MIS18BP1: variants seen among roughly 807,000 people sequenced by gnomAD.
MIS18BP1 encodes MIS18 binding protein 1, also known as mis18-binding protein 1.
Under a neutral mutation model 116.1 loss-of-function variants are expected in MIS18BP1, and 72 were observed. The observed-to-expected ratio is 0.62, with a 90% CI of 0.51 to 0.75. MIS18BP1 has a LOEUF of 0.75. Among genes scored for constraint, MIS18BP1 ranks in the 30% least tolerant of loss-of-function variants. The pLI is 0.00. For missense variants in MIS18BP1, 1,363 were observed against 1,303.2 expected (o/e 1.05, Z -0.71); for synonymous variants, 386 against 427.0 (o/e 0.90, Z 1.18).
chr14:45,227,070 C>CAAGTG (rs1891141965), intron 9 of MIS18BP1, among the ~76,000 whole-genome samples: 1 of 152,144 alleles, frequency 6.6e-6, no homozygotes, highest in Non-Finnish European at 1.5e-5. Context: ...TGTGGTTTTT[C>CAAGTG]AAGTGCTTTT....
chr14:45,209,340 T>C (rs1300262705), intron 14 of MIS18BP1, among the ~76,000 whole-genome samples: 3 of 152,184 alleles, frequency 2.0e-5, no homozygotes, highest in Non-Finnish European at 4.4e-5. Flanking sequence ...ATTTCTTTTT[T>C]TTTTGAGACA....
At chr14:45,233,817 A>G (rs538421439) in intron 6 of MIS18BP1, among the ~76,000 whole-genome samples, 3 of 152,318 alleles carry the variant, frequency 2.0e-5, no homozygotes, top group African/African-American at 7.2e-5. Flanking sequence ...TAAGTTTGAA[A>G]TGCCTACAGA....
At position 45,237,674 on chromosome 14, in the gene MIS18BP1, A is replaced by T. The variant is rs1297738409; in HGVS notation, c.1191T>A (p.Thr397=). 1 of 1,601,374 alleles carries T rather than the reference A, an allele frequency of 6.2e-7. No homozygotes were observed. Among genetic ancestry groups the T allele is most frequent in the Admixed American group, 1.8e-5 (1 of 56,886 alleles). The part of the protein sequence containing the change: ...EWMIKSINNN[T]AICVEGKLID... The stretch of plus-strand genomic sequence containing the variant: ...TCAATTTTCCTTCTACACATATAGC[A>T]GTATTATTATTGATGCTTTTAATCA... Residue 397 remains threonine, a synonymous_variant, in exon 5 of 17, where the codon ACT becomes ACA. Coordinates refer to ENST00000310806, the MANE Select transcript of MIS18BP1 (RefSeq NM_018353.5).
rs180768394 is a variant in MIS18BP1, at chr14:45,242,962, C to T, written c.545-88G>A. On this transcript the variant is annotated intron_variant, in intron 2 of 16. Coordinates refer to ENST00000310806, the MANE Select transcript of MIS18BP1 (RefSeq NM_018353.5). ...GCTTTTAAAATTCTTGAAATAAAGACACTTAGATTTAGTAATGATCAGACC... is the reference window on the plus strand; with the variant it reads ...GCTTTTAAAATTCTTGAAATAAAGATACTTAGATTTAGTAATGATCAGACC... 41 of 824,296 alleles carry T rather than the reference C, an allele frequency of 5.0e-5. No homozygotes were observed. In the Admixed American group the frequency reaches 1.0e-3, roughly 20 times the overall value. 51.1% of individuals were successfully genotyped at this position (824,296 alleles called of 1,614,324 possible).
chr14:45,253,011 G>A (rs1891923057), intron 1 of MIS18BP1, 24 bp downstream of exon 1: 1 of 152,284 alleles, frequency 6.6e-6, no homozygotes, highest in Admixed American at 6.5e-5. Context: ...TAGGAGGTTA[G>A]CGGAGGGCGC....
At position 45,229,816 on chromosome 14, in the gene MIS18BP1, A is replaced by T. The variant is rs77998376; in HGVS notation, c.1594+1325T>A. Among the ~76,000 whole-genome samples, 24 of 152,322 alleles carry T rather than the reference A, an allele frequency of 1.6e-4. No individual in the cohort carries two copies. The East Asian group carries it at 4.6e-3, about 29-fold the overall frequency. ...GCAGGTGCCGAAGCCCCAAGGTTCC[A>T]GCATACTCAAGATGCTCCAGCAATA... On this transcript the variant is annotated intron_variant, in intron 8 of 16. Coordinates refer to ENST00000310806, the MANE Select transcript of MIS18BP1 (RefSeq NM_018353.5).
chr14:45,242,576 TAA>T, intron 3 of MIS18BP1, 58 bp from the exon 4 acceptor site: 2 of 1,517,952 alleles, frequency 1.3e-6, no homozygotes, highest in Middle Eastern at 1.9e-4. Context: ...CACAGGAAAT[TAA>T]AAGAGATAAA....
chr14:45,220,146 A>C (rs549706866), intron 11 of MIS18BP1, among the ~76,000 whole-genome samples: 1 of 151,796 alleles, frequency 6.6e-6, no homozygotes, highest in African/African-American at 2.4e-5. Context: ...TCACCCATGC[A>C]GGAGTGCCGG....
chr14:45,244,161 C>G (rs1056915356), intron 2 of MIS18BP1, among the ~76,000 whole-genome samples: 17 of 152,122 alleles, frequency 1.1e-4, no homozygotes, highest in Admixed American at 3.9e-4. Context: ...CTAACAGATA[C>G]CTATATTCAG....
intron 1 of MIS18BP1, among the ~76,000 whole-genome samples, chr14:45,248,235 T>G (rs1316126393): frequency 6.6e-6 from 1 of 151,814 alleles, no homozygotes; most frequent in African/African-American, 2.4e-5. Context: ...ACCCGGCTAA[T>G]TTTGTATTTT....
At chr14:45,220,503 C>T (rs981078079) in intron 11 of MIS18BP1, among the ~76,000 whole-genome samples, 5 of 152,098 alleles carry the variant, frequency 3.3e-5, no homozygotes, top group African/African-American at 7.2e-5. Flanking sequence ...CTCTTGGTAC[C>T]ATCCTTCTGA....
chr14:45,251,280 A>C (rs1287559000), intron 1 of MIS18BP1, among the ~76,000 whole-genome samples: 2 of 152,188 alleles, frequency 1.3e-5, no homozygotes, highest in Admixed American at 1.3e-4. Flanking sequence ...TTTGAAGCCC[A>C]GAATAGGTTA....
chr14:45,227,640 T>C (rs766580614), intron 9 of MIS18BP1, 23 bp downstream of exon 9: 10 of 1,599,556 alleles, frequency 6.3e-6, no homozygotes, highest in South Asian at 3.3e-5. Context: ...ACTTGAACTA[T>C]ACAGTGTACA....
At chr14:45,222,611 C>CT (rs1481801944) in intron 11 of MIS18BP1, among the ~76,000 whole-genome samples, 2 of 152,148 alleles carry the variant, frequency 1.3e-5, no homozygotes, top group African/African-American at 2.4e-5. Flanking sequence ...GTGTGGGACA[C>CT]TGAGTAGCTA....
intron 10 of MIS18BP1, among the ~76,000 whole-genome samples, chr14:45,225,514 A>T (rs956588890): frequency 3.9e-5 from 6 of 152,088 alleles, no homozygotes; most frequent in African/African-American, 1.4e-4. Flanking sequence ...AGTCACTGAA[A>T]CCTTACTAAG....
chr14:45,247,535 G>A (rs1425183152), intron 1 of MIS18BP1, among the ~76,000 whole-genome samples, 158 bp from the exon 2 acceptor site: 1 of 151,590 alleles, frequency 6.6e-6, no homozygotes, highest in Non-Finnish European at 1.5e-5. Context: ...TTTTGTTAAA[G>A]TCTCCTTAAC....
intron 1 of MIS18BP1, among the ~76,000 whole-genome samples, chr14:45,247,893 T>G (rs931480972): frequency 6.0e-5 from 9 of 149,536 alleles, no homozygotes; most frequent in East Asian, 3.9e-4. Flanking sequence ...CCAATCCTGA[T>G]TTTTTATGCT....
In MIS18BP1 at chr14:45,232,759, G is replaced by A; in HGVS notation, c.1410C>T (p.His470=). The A allele has an allele frequency of 1.4e-6, 2 of 1,477,346 alleles. No individual in the cohort carries two copies. The highest frequency in any genetic ancestry group is 2.4e-5 in the East Asian group (1 of 40,918). The allele number at this position is 1,477,346 out of a possible 1,614,324, so 91.5% of individuals were successfully genotyped here. The stretch of plus-strand genomic sequence containing the variant: ...TTAATTGTTCCAGAAAATTATCAAT[G>A]TGCTCTTTCCAATTTTCTGGAAATC... ...MFGFPENWKE[H]IDNFLEQLRA... is the part of the protein sequence containing the mutation. Residue 470 remains histidine (H), a synonymous_variant, in exon 7 of 17, where the codon CAC becomes CAT. Coordinates refer to ENST00000310806, the MANE Select transcript of MIS18BP1 (RefSeq NM_018353.5).
chr14:45,214,808 A>G (rs1890771263), intron 13 of MIS18BP1, among the ~76,000 whole-genome samples: 1 of 151,882 alleles, frequency 6.6e-6, no homozygotes, highest in African/African-American at 2.4e-5. Context: ...CTGGAGTGCA[A>G]TGGTGCCTTC....
Sources: gnomAD v4.1 joint callset for allele counts (sites outside exome capture counted in the v4.1 genomes callset) on GRCh38, gnomAD v4.1.1 for gene constraint, MANE v1.5 for transcripts, NCBI Gene and HGNC (gene_info 2026-07-23, HGNC 2026-07-21) for gene names.